The following IPO11 variants were observed in gnomAD, a reference collection of about 807,000 sequenced individuals.
The protein encoded by IPO11 is importin-11.
Under a neutral mutation model 143.2 loss-of-function variants are expected in IPO11, and 66 were observed. That is an observed-to-expected ratio of 0.46 (90% CI 0.38 to 0.57). The LOEUF (loss-of-function observed/expected upper bound fraction) is 0.57. Ranked by LOEUF, IPO11 falls within the 20% of genes least tolerant of loss-of-function variation. IPO11 has a pLI of 0.00. For synonymous variants in IPO11, 385 were observed against 377.8 expected (o/e 1.02, Z -0.22); for missense variants, 1,026 against 1,141.0 (o/e 0.90, Z 1.45).
intron 4 of IPO11, among the ~76,000 whole-genome samples, 167 bp downstream of exon 4, chr5:62,450,166 T>C (rs750983948): frequency 6.6e-6 from 1 of 152,250 alleles, no homozygotes; most frequent in Non-Finnish European, 1.5e-5. Flanking sequence ...TAGCGTTGAA[T>C]AGTTTTGATT....
In IPO11 at chr5:62,530,794, T is replaced by C; in HGVS notation, c.2089+9T>C. On this transcript the variant is annotated intron_variant, in intron 22 of 29. Transcript: ENST00000325324. ...TATGTCACCACTTCTTGGTATGTGTTAAAGCATAAACTTACTAATGTTTTT... is the reference window on the plus strand; with the variant it reads ...TATGTCACCACTTCTTGGTATGTGTCAAAGCATAAACTTACTAATGTTTTT... The C allele has an allele frequency of 6.3e-7, 1 of 1,593,900 alleles. No homozygotes were observed. The highest frequency in any genetic ancestry group is 8.6e-7 in the Non-Finnish European group (1 of 1,162,444).
intron 3 of IPO11, among the ~76,000 whole-genome samples, chr5:62,447,247 ATG>A (rs906393919): frequency 1.3e-5 from 2 of 151,944 alleles, no homozygotes; most frequent in African/African-American, 4.8e-5. Flanking sequence ...CTGTGACTAC[ATG>A]TGTGTGCCGC....
In IPO11 at chr5:62,562,742, C is replaced by A. The variant is rs1464621917; in HGVS notation, c.2582+1485C>A. On this transcript the variant is annotated intron_variant, in intron 27 of 29. Coordinates refer to ENST00000325324, the MANE Select transcript of IPO11 (RefSeq NM_016338.5). ...GTGACTTAAGTCCAGTTTTAGAAGT[C>A]CTTATTTGTTCTTTATGTATTATTT... is the stretch of plus-strand genomic sequence containing the variant. Among the ~76,000 whole-genome samples, 3 of 152,022 alleles carry A rather than the reference C, an allele frequency of 2.0e-5. 1 individual carries two copies. The highest frequency in any genetic ancestry group is 4.4e-5 in the Non-Finnish European group (3 of 68,002).
intron 19 of IPO11, 149 bp from the exon 20 acceptor site, chr5:62,515,239 T>G: frequency 2.4e-6 from 1 of 416,298 alleles, no homozygotes; most frequent in Non-Finnish European, 4.3e-6. Flanking sequence ...TCTAATTTTA[T>G]TTCTTAAGGG....
rs1291823062 is a variant in IPO11, at chr5:62,467,224, A to G, written c.610A>G (p.Ile204Val). 3 of 1,614,058 alleles carry G rather than the reference A, an allele frequency of 1.9e-6. No homozygotes were observed. The highest frequency in any genetic ancestry group is 1.3e-5 in the African/African-American group (1 of 75,058). ...AGTTTCTTCTGGCAATGAAGCTGCA[A>G]TTTTGAGTTCACTAGAACGAACACT... ...QEVSSGNEAA[I>V]LSSLERTLLS... Residue 204 changes from isoleucine (I) to valine (V), a missense_variant, in exon 6 of 30, where the codon ATT (isoleucine) becomes GTT (valine). Transcript: ENST00000325324.
intron 20 of IPO11, among the ~76,000 whole-genome samples, chr5:62,522,617 G>C (rs970021985): frequency 6.6e-6 from 1 of 152,118 alleles, no homozygotes; most frequent in East Asian, 1.9e-4. Flanking sequence ...GGATGGTCTG[G>C]TTGGGTTTTG....
chr5:62,604,863 A>G (rs1745645935), intron 29 of IPO11, among the ~76,000 whole-genome samples: 1 of 152,222 alleles, frequency 6.6e-6, no homozygotes, highest in Admixed American at 6.5e-5. Context: ...AATTATGAAT[A>G]CATGCTAATT....
intron 1 of IPO11, among the ~76,000 whole-genome samples, chr5:62,416,210 C>T (rs1743292121): frequency 6.8e-6 from 1 of 145,998 alleles, no homozygotes; most frequent in Non-Finnish European, 1.5e-5. Flanking sequence ...GAGACGGAGC[C>T]TCGCTCTTGT....
intron 27 of IPO11, among the ~76,000 whole-genome samples, chr5:62,587,382 C>T (rs989229682): frequency 1.3e-5 from 2 of 152,044 alleles, no homozygotes; most frequent in Admixed American, 1.3e-4. Flanking sequence ...ATATACTTTT[C>T]CATGACCATG....
At chr5:62,429,670 C>T (rs1743908300) in intron 1 of IPO11, among the ~76,000 whole-genome samples, 2 of 151,670 alleles carry the variant, frequency 1.3e-5, no homozygotes, top group Admixed American at 6.6e-5. Context: ...GTCGTCCAGA[C>T]TGGAGTGCAG....
At chr5:62,538,492 C>A (rs145626028) in intron 24 of IPO11, among the ~76,000 whole-genome samples, 1 of 152,116 alleles carries the variant, frequency 6.6e-6, no homozygotes, top group Non-Finnish European at 1.5e-5. Flanking sequence ...TGAGTCCTCA[C>A]GAGATCTGAT....
chr5:62,429,568 A>G (rs2112113043), intron 1 of IPO11, among the ~76,000 whole-genome samples: 1 of 139,436 alleles, frequency 7.2e-6, no homozygotes, highest in Admixed American at 7.2e-5. Flanking sequence ...GGCGCACACC[A>G]CCATGCCCGT....
intron 29 of IPO11, 62 bp from the exon 30 acceptor site, chr5:62,627,092 T>C: frequency 2.8e-6 from 4 of 1,447,466 alleles, no homozygotes; most frequent in East Asian, 2.3e-5. Context: ...CTTTTGTAAA[T>C]TGCAGGTAGG....
At chr5:62,626,426 C>T (rs751389989) in intron 29 of IPO11, among the ~76,000 whole-genome samples, 8 of 152,116 alleles carry the variant, frequency 5.3e-5, no homozygotes, top group Non-Finnish European at 1.0e-4. Flanking sequence ...TTAGATTTTA[C>T]CAGTTTTTCC....
At chr5:62,432,947 T>C (rs1744043391) in intron 1 of IPO11, among the ~76,000 whole-genome samples, 1 of 152,190 alleles carries the variant, frequency 6.6e-6, no homozygotes, top group Non-Finnish European at 1.5e-5. Flanking sequence ...AAGATTTGTT[T>C]CTTCATTACA....
intron 9 of IPO11, among the ~76,000 whole-genome samples, chr5:62,478,845 G>A (rs1315775259): frequency 6.6e-6 from 1 of 152,104 alleles, no homozygotes; most frequent in East Asian, 1.9e-4. Flanking sequence ...TGGGGGATAG[G>A]GCAGGGATGG....
intron 13 of IPO11, 133 bp downstream of exon 13, chr5:62,487,994 T>C: frequency 1.4e-6 from 1 of 698,246 alleles, no homozygotes; most frequent in Non-Finnish European, 2.2e-6. Context: ...AAAAACAATT[T>C]TAAAACTTAT....
rs561235460 is a variant in IPO11, at chr5:62,509,203, T to C, written c.1782+2846T>C. On this transcript the variant is annotated intron_variant, in intron 19 of 29. Coordinates refer to ENST00000325324, the MANE Select transcript of IPO11 (RefSeq NM_016338.5). ...AAATATGTAATCATCAGGCGTGGTA[T>C]CAGGTGGTCTTTGGGCCTGTGCATT... 5.9e-5 allele frequency among the ~76,000 whole-genome samples: 9 copies of C among 152,330 alleles called. No homozygotes were observed. The South Asian group carries it at 1.7e-3, about 28-fold the overall frequency.
intron 27 of IPO11, among the ~76,000 whole-genome samples, chr5:62,565,427 A>G (rs1465979986): frequency 6.6e-6 from 1 of 152,190 alleles, no homozygotes; most frequent in Non-Finnish European, 1.5e-5. Context: ...CAGAGGTTGC[A>G]GTTAGCCAGT....
Sources: allele counts gnomAD v4.1 joint callset (sites outside exome capture counted in the v4.1 genomes callset), GRCh38; gene constraint gnomAD v4.1.1; transcripts MANE v1.5; gene names NCBI Gene and HGNC (gene_info 2026-07-23, HGNC 2026-07-21).